Variants in SLC13A1 observed in about 807,000 individuals in gnomAD.
SLC13A1 encodes solute carrier family 13 member 1.
A neutral mutation model predicts 70.0 loss-of-function variants in SLC13A1; 65 were observed. The ratio of observed to expected loss-of-function variants is 0.93; its 90% CI spans 0.76 to 1.14. The LOEUF (loss-of-function observed/expected upper bound fraction) is 1.14. Ranked by LOEUF, SLC13A1 falls within the 50% of genes most tolerant of loss-of-function variation. SLC13A1 has a pLI of 0.00. For synonymous variants in SLC13A1, 275 were observed against 250.5 expected (o/e 1.10, Z -0.92); for missense variants, 726 against 717.8 (o/e 1.01, Z -0.13).
intron 10 of SLC13A1, 103 bp downstream of exon 10, chr7:123,128,742 A>G (rs1793651596): frequency 1.4e-6 from 1 of 735,190 alleles, no homozygotes. Flanking sequence ...AAGGGAAAGA[A>G]AGAAAAATAT....
chr7:123,178,033 C>CTCTCTCTCTCTCTCTCTATATA (rs761704605), intron 2 of SLC13A1, among the ~76,000 whole-genome samples: 8 of 149,958 alleles, frequency 5.3e-5, no homozygotes, highest in African/African-American at 1.7e-4. Flanking sequence ...CTCTCTCTCT[C>CTCTCTCTCTCTCTCTCTATATA]TATATATATA....
intron 7 of SLC13A1, among the ~76,000 whole-genome samples, chr7:123,141,330 T>G (rs1794132872): frequency 6.6e-6 from 1 of 152,222 alleles, no homozygotes; most frequent in Non-Finnish European, 1.5e-5. Flanking sequence ...TGACCTAACA[T>G]ATGGTCTATC....
chr7:123,127,257 G>T (rs2116300878), intron 10 of SLC13A1, among the ~76,000 whole-genome samples: 1 of 152,110 alleles, frequency 6.6e-6, no homozygotes, highest in East Asian at 1.9e-4. Flanking sequence ...AATTGTAGGT[G>T]GCATGAGTGC....
Position 123,169,205 on chromosome 7 carries a change from C to T in SLC13A1, c.496G>A (p.Glu166Lys), listed in dbSNP as rs781700293. The change falls in exon 4 of 15, where the codon GAG becomes AAG. Residue 166 changes from glutamate to lysine, a missense_variant. Glu to Lys is a moderately conservative substitution (Grantham distance 56). Coordinates refer to ENST00000194130, the MANE Select transcript of SLC13A1 (RefSeq NM_022444.4). ...QQIINAEAEV[E>K]ATQMTYFNGS... ...TTGAAGTAAGTCATCTGAGTGGCCT[C>T]GACCTCTGCTTCTGCATTGATGATC... The T allele has an allele frequency of 2.7e-5, 43 of 1,614,090 alleles. 1 individual carries two copies. The highest frequency in any genetic ancestry group is 1.6e-4 in the South Asian group (15 of 91,082).
intron 1 of SLC13A1, among the ~76,000 whole-genome samples, chr7:123,191,641 G>A (rs1011403186): frequency 2.0e-5 from 3 of 152,126 alleles, no homozygotes; most frequent in Non-Finnish European, 4.4e-5. Context: ...ACTTACTATA[G>A]GATGGGCAAG....
intron 1 of SLC13A1, among the ~76,000 whole-genome samples, chr7:123,185,637 A>T (rs985816020): frequency 1.3e-5 from 2 of 152,042 alleles, no homozygotes; most frequent in African/African-American, 4.8e-5. Context: ...TAATTGGTCC[A>T]CATGTCTGTT....
intron 1 of SLC13A1, among the ~76,000 whole-genome samples, chr7:123,188,133 G>A (rs1216203891): frequency 2.0e-5 from 3 of 152,282 alleles, no homozygotes; most frequent in African/African-American, 4.8e-5. Flanking sequence ...TTTCCCCCAT[G>A]CTGTCCTCAT....
chr7:123,191,830 A>T (rs564088234), intron 1 of SLC13A1, among the ~76,000 whole-genome samples: 1 of 152,304 alleles, frequency 6.6e-6, no homozygotes, highest in Non-Finnish European at 1.5e-5. Flanking sequence ...TATAAACTCT[A>T]TCAGAGTATA....
chr7:123,135,046 T>A (rs961191922), intron 7 of SLC13A1, among the ~76,000 whole-genome samples: 2 of 152,198 alleles, frequency 1.3e-5, no homozygotes, highest in African/African-American at 2.4e-5. Context: ...CATGGCTGTT[T>A]TCCTTTCTGT....
intron 6 of SLC13A1, among the ~76,000 whole-genome samples, chr7:123,155,321 T>C (rs1288660884): frequency 1.3e-5 from 2 of 151,992 alleles, no homozygotes; most frequent in Non-Finnish European, 2.9e-5. Flanking sequence ...TATGCTTTTA[T>C]ATCTCTATAT....
chr7:123,173,226 G>T (rs1195352418), intron 2 of SLC13A1, among the ~76,000 whole-genome samples: 1 of 152,056 alleles, frequency 6.6e-6, no homozygotes, highest in Non-Finnish European at 1.5e-5. Context: ...AATTATATCT[G>T]CATTTTTAAC....
chr7:123,144,494 T>C (rs561786737), intron 7 of SLC13A1, among the ~76,000 whole-genome samples: 21 of 152,264 alleles, frequency 1.4e-4, no homozygotes, highest in African/African-American at 5.1e-4. Context: ...GCTAAGTGGA[T>C]TTCTCAAAGT....
chr7:123,184,378 C>G (rs1342191414), intron 1 of SLC13A1, among the ~76,000 whole-genome samples: 1 of 152,036 alleles, frequency 6.6e-6, no homozygotes, highest in Non-Finnish European at 1.5e-5. Flanking sequence ...CAAGCTTATT[C>G]TTTCTATCTT....
chr7:123,185,606 AT>A (rs1483740155), intron 1 of SLC13A1, among the ~76,000 whole-genome samples: 1 of 151,990 alleles, frequency 6.6e-6, no homozygotes, highest in Non-Finnish European at 1.5e-5. Flanking sequence ...GTAGAGAATT[AT>A]TTCTGGCTTC....
chr7:123,137,200 G>A (rs969371803), intron 7 of SLC13A1, among the ~76,000 whole-genome samples: 2 of 152,178 alleles, frequency 1.3e-5, no homozygotes, highest in African/African-American at 2.4e-5. Flanking sequence ...TGGAAACTGT[G>A]TGATGTTCAG....
rs377566372 is a variant in SLC13A1 at position 123,119,225 on chromosome 7, C to T, written c.1368G>A (p.Lys456=). 3.1e-5 allele frequency: 50 copies of T among 1,606,634 alleles called. No individual in the cohort carries two copies. The highest frequency in any genetic ancestry group is 1.7e-4 in the Middle Eastern group (1 of 6,050). Residue 456 remains lysine (K), a synonymous_variant, in exon 13 of 15, where the codon AAG becomes AAA. Coordinates refer to ENST00000194130, the MANE Select transcript of SLC13A1 (RefSeq NM_022444.4). The stretch of plus-strand genomic sequence containing the variant: ...GAGGAGATAATTTATTTCCTATCCA[C>T]TTAGATAATCCAGACTCCTAAAAAA... ...ADGCEESGLS[K]WIGNKLSPLG...
At chr7:123,135,936 T>C (rs1314389960) in intron 7 of SLC13A1, among the ~76,000 whole-genome samples, 1 of 152,228 alleles carries the variant, frequency 6.6e-6, no homozygotes, top group Non-Finnish European at 1.5e-5. Flanking sequence ...CTTTATCACA[T>C]CCATGAGGCT....
At chr7:123,138,016 T>C (rs913562009) in intron 7 of SLC13A1, among the ~76,000 whole-genome samples, 26 of 152,164 alleles carry the variant, frequency 1.7e-4, no homozygotes, top group Admixed American at 7.2e-4. Context: ...TCTTATTCAT[T>C]CTTTCTGCCA....
intron 2 of SLC13A1, among the ~76,000 whole-genome samples, chr7:123,176,890 G>T (rs1023531997): frequency 1.3e-5 from 2 of 152,082 alleles, no homozygotes; most frequent in Admixed American, 6.6e-5. Context: ...TCAGTTCTTT[G>T]TCCTCTTTGC....
Sources: allele counts gnomAD v4.1 joint callset (sites outside exome capture counted in the v4.1 genomes callset), GRCh38; gene constraint gnomAD v4.1.1; transcripts MANE v1.5; gene names NCBI Gene and HGNC (gene_info 2026-07-23, HGNC 2026-07-21).